The following FMNL2 variants were observed in gnomAD, a reference collection of about 807,000 sequenced individuals.
FMNL2 encodes formin like 2, also known as formin-like protein 2.
A neutral mutation model predicts 130.2 loss-of-function variants in FMNL2; 51 were observed. The ratio of observed to expected loss-of-function variants is 0.39; its 90% CI spans 0.31 to 0.49. FMNL2 has a LOEUF of 0.49. Among genes scored for constraint, FMNL2 ranks in the 20% least tolerant of loss-of-function variants. The pLI is 0.85. For missense variants in FMNL2, 977 were observed against 1,316.2 expected (o/e 0.74, Z 3.99); for synonymous variants, 465 against 467.1 (o/e 1.00, Z 0.06).
intron 1 of FMNL2, among the ~76,000 whole-genome samples, chr2:152,422,403 A>C (rs533679102): frequency 5.6e-4 from 85 of 152,296 alleles, no homozygotes; most frequent in African/African-American, 1.9e-3. Context: ...TTTGTGACTT[A>C]ATAGTTGATT....
At chr2:152,396,607 T>A (rs1445090295) in intron 1 of FMNL2, among the ~76,000 whole-genome samples, 2 of 152,220 alleles carry the variant, frequency 1.3e-5, no homozygotes, top group African/African-American at 4.8e-5. Flanking sequence ...CCTCTGGACA[T>A]CTTTCACATT....
chr2:152,405,597 C>A (rs1362364312), intron 1 of FMNL2, among the ~76,000 whole-genome samples: 3 of 152,118 alleles, frequency 2.0e-5, no homozygotes, highest in Non-Finnish European at 4.4e-5. Flanking sequence ...ACCTTGCGTG[C>A]CAGGTGGTTG....
chr2:152,542,721 CTTTTGTG>C lies in FMNL2; in HGVS notation c.202-17_202-11del. On this transcript the variant is annotated splice_polypyrimidine_tract_variant and intron_variant, in intron 2 of 25. Transcript: ENST00000288670. Reference sequence around the variant, plus strand: ...GGCTTCATACCTTTCATGCTTTGGACTTTTGTGCTTTCTGCAGGAACGATTCCAGGTG... The same window carrying C: ...GGCTTCATACCTTTCATGCTTTGGACCTTTCTGCAGGAACGATTCCAGGTG... 6.2e-7 allele frequency: 1 copy of C among 1,613,758 alleles called. No homozygotes were observed. The highest frequency in any genetic ancestry group is 8.5e-7 in the Non-Finnish European group (1 of 1,179,690).
chr2:152,359,567 T>G (rs538339703), intron 1 of FMNL2, among the ~76,000 whole-genome samples: 1 of 152,054 alleles, frequency 6.6e-6, no homozygotes, highest in Admixed American at 6.6e-5. Flanking sequence ...GGAGTTGATT[T>G]TTTTAAGCTG....
At chr2:152,532,919 T>A (rs1156239784) in intron 2 of FMNL2, among the ~76,000 whole-genome samples, 1 of 152,178 alleles carries the variant, frequency 6.6e-6, no homozygotes, top group Non-Finnish European at 1.5e-5. Context: ...CTTTTGCCTA[T>A]TTTTAAAAAG....
chr2:152,581,306 G>T (rs1696765501), intron 9 of FMNL2, among the ~76,000 whole-genome samples: 1 of 152,128 alleles, frequency 6.6e-6, no homozygotes, highest in South Asian at 2.1e-4. Context: ...AGGGAACATG[G>T]AATAATCCAG....
At position 152,372,179 on chromosome 2, in the gene FMNL2, G is replaced by T. The variant is rs1014821585; in HGVS notation, c.117+36459G>T. 9.2e-5 allele frequency among the ~76,000 whole-genome samples: 14 copies of T among 152,102 alleles called. No homozygotes were observed. In the South Asian group the frequency reaches 2.1e-3, roughly 23 times the overall value. On this transcript the variant is annotated intron_variant, in intron 1 of 25. Coordinates refer to ENST00000288670, the MANE Select transcript of FMNL2 (RefSeq NM_052905.4). ...CGTTGCTAATAAAGGTATTTTAGTCGATATAAATACAAGTACTATTTGGCA... is the reference window on the plus strand; with the variant it reads ...CGTTGCTAATAAAGGTATTTTAGTCTATATAAATACAAGTACTATTTGGCA...
intron 3 of FMNL2, among the ~76,000 whole-genome samples, chr2:152,548,041 C>T (rs1694741792): frequency 6.6e-6 from 1 of 152,102 alleles, no homozygotes; most frequent in Non-Finnish European, 1.5e-5. Context: ...CATTTACTAT[C>T]AGAGGTGGAT....
At chr2:152,439,125 A>C (rs975073048) in intron 1 of FMNL2, among the ~76,000 whole-genome samples, 1 of 144,588 alleles carries the variant, frequency 6.9e-6, no homozygotes, top group African/African-American at 2.8e-5. Context: ...GGCAATAGCT[A>C]ATTGTAATGC....
At chr2:152,497,956 G>T (rs1454680258) in intron 1 of FMNL2, among the ~76,000 whole-genome samples, 1 of 152,150 alleles carries the variant, frequency 6.6e-6, no homozygotes, top group Admixed American at 6.6e-5. Flanking sequence ...CCAAGAAGCT[G>T]CCCACATGAC....
rs187446560 is a variant in FMNL2, at chr2:152,570,962, C to A, written c.597-4174C>A. Among the ~76,000 whole-genome samples, 621 of 152,190 alleles carry A rather than the reference C, an allele frequency of 4.1e-3. 3 individuals carry two copies. Among genetic ancestry groups the A allele is most frequent in the Middle Eastern group, 0.027 (8 of 294 alleles). On this transcript the variant is annotated intron_variant, in intron 6 of 25. Coordinates refer to ENST00000288670, the MANE Select transcript of FMNL2 (RefSeq NM_052905.4). ...CTAGAAATTAAAGTCTTGCAGTAAC[C>A]CAGGGAGCATCTATTCAGGAAAAGG... is the stretch of plus-strand genomic sequence containing the variant.
intron 1 of FMNL2, among the ~76,000 whole-genome samples, chr2:152,447,491 T>A (rs778104049): frequency 6.6e-5 from 10 of 152,204 alleles, no homozygotes; most frequent in Non-Finnish European, 1.5e-4. Context: ...TCTTTGACAA[T>A]TACAGGAAGC....
chr2:152,351,029 A>AG (rs1682451764), intron 1 of FMNL2, among the ~76,000 whole-genome samples: 1 of 152,154 alleles, frequency 6.6e-6, no homozygotes, highest in Non-Finnish European at 1.5e-5. Flanking sequence ...TGGGTAACAG[A>AG]GTGAGACTCT....
chr2:152,410,128 A>G (rs965140886), intron 1 of FMNL2, among the ~76,000 whole-genome samples: 1 of 152,090 alleles, frequency 6.6e-6, no homozygotes, highest in Non-Finnish European at 1.5e-5. Flanking sequence ...ATCAGTGTTG[A>G]TTTCATCTTT....
chr2:152,393,726 T>C (rs1685239715), intron 1 of FMNL2, among the ~76,000 whole-genome samples: 1 of 152,258 alleles, frequency 6.6e-6, no homozygotes, highest in Non-Finnish European at 1.5e-5. Context: ...GTTTTTCATA[T>C]GCATGAGCTC....
intron 1 of FMNL2, among the ~76,000 whole-genome samples, chr2:152,342,318 G>T (rs188088482): frequency 3.4e-4 from 52 of 152,334 alleles, no homozygotes; most frequent in African/African-American, 1.2e-3. Flanking sequence ...TTTGCAAGAG[G>T]ACGCTGTAAC....
At chr2:152,478,534 C>T (rs1690300547) in intron 1 of FMNL2, among the ~76,000 whole-genome samples, 2 of 152,098 alleles carry the variant, frequency 1.3e-5, no homozygotes, top group Admixed American at 1.3e-4. Context: ...CTGTGCCCGG[C>T]CTGAAAATTT....
intron 3 of FMNL2, among the ~76,000 whole-genome samples, chr2:152,545,871 G>A (rs1694604739): frequency 6.6e-6 from 1 of 152,188 alleles, no homozygotes; most frequent in Non-Finnish European, 1.5e-5. Context: ...GAATCTAGCC[G>A]AAAATTGAGC....
chr2:152,348,704 A>G (rs1040896105), intron 1 of FMNL2, among the ~76,000 whole-genome samples: 4 of 143,592 alleles, frequency 2.8e-5, no homozygotes, highest in East Asian at 2.1e-4. Flanking sequence ...GGCAGTTTAT[A>G]TTTTCTTTTT....
Sources: allele counts gnomAD v4.1 joint callset (sites outside exome capture counted in the v4.1 genomes callset), GRCh38; gene constraint gnomAD v4.1.1; transcripts MANE v1.5; gene names NCBI Gene and HGNC (gene_info 2026-07-23, HGNC 2026-07-21).